Variants in FHIT observed in about 807,000 individuals in gnomAD.
FHIT encodes the protein bis(5'-adenosyl)-triphosphatase.
Under a neutral mutation model 17.9 loss-of-function variants are expected in FHIT, and 19 were observed. The ratio of observed to expected loss-of-function variants is 1.06; its 90% CI spans 0.74 to 1.56. The LOEUF is 1.56. Ranked by LOEUF, FHIT falls within the 40% of genes most tolerant of loss-of-function variation. FHIT has a pLI of 0.00. For synonymous variants in FHIT, 81 were observed against 69.7 expected, an observed-to-expected ratio of 1.16 and a Z score of -0.81; for missense variants, 248 against 189.2, an observed-to-expected ratio of 1.31 and a Z score of -1.82.
intron 8 of FHIT, among the ~76,000 whole-genome samples, chr3:59,805,160 T>C (rs1027775328): frequency 6.6e-6 from 1 of 152,166 alleles, no homozygotes; most frequent in Non-Finnish European, 1.5e-5. Context: ...CGTGTCCTGC[T>C]CTGTGGGCAC....
intron 8 of FHIT, among the ~76,000 whole-genome samples, chr3:59,844,102 C>T (rs1358780502): frequency 1.3e-5 from 2 of 152,136 alleles, no homozygotes; most frequent in Non-Finnish European, 2.9e-5. Context: ...TCTGACACCT[C>T]CCCAGAAGCC....
At chr3:60,251,714 AGCGTGTGGGCCACT>A (rs1705720970) in intron 5 of FHIT, among the ~76,000 whole-genome samples, 1 of 152,136 alleles carries the variant, frequency 6.6e-6, no homozygotes, top group Non-Finnish European at 1.5e-5. Flanking sequence ...ATCCTTGTCC[AGCGTGTGGGCCACT>A]GCTCATGCCA....
intron 5 of FHIT, among the ~76,000 whole-genome samples, chr3:60,071,604 G>C (rs190975102): frequency 6.6e-6 from 1 of 152,240 alleles, no homozygotes; most frequent in Admixed American, 6.5e-5. Flanking sequence ...AAGACTTGTT[G>C]AATGTCTATC....
chr3:60,340,499 G>C (rs1576501761), intron 5 of FHIT, among the ~76,000 whole-genome samples: 1 of 152,258 alleles, frequency 6.6e-6, no homozygotes, highest in East Asian at 1.9e-4. Flanking sequence ...GCTCTGAACA[G>C]ATACAAATCA....
chr3:61,022,501 G>T (rs941226768), intron 3 of FHIT, among the ~76,000 whole-genome samples: 60 of 152,174 alleles, frequency 3.9e-4, no homozygotes, highest in African/African-American at 1.4e-3. Flanking sequence ...ATTTTATGAG[G>T]CCAGCATCAT....
chr3:61,006,240 T>C (rs1262052310), intron 3 of FHIT, among the ~76,000 whole-genome samples: 1 of 152,150 alleles, frequency 6.6e-6, no homozygotes, highest in Non-Finnish European at 1.5e-5. Flanking sequence ...TGCTCTCAAA[T>C]ATGGGATTTG....
intron 5 of FHIT, among the ~76,000 whole-genome samples, chr3:60,391,779 T>C (rs553364907): frequency 5.9e-5 from 9 of 152,264 alleles, no homozygotes; most frequent in African/African-American, 2.2e-4. Flanking sequence ...CTTAGCACAA[T>C]ATATCCCCTT....
chr3:60,831,653 T>C (rs1248357237), intron 3 of FHIT, among the ~76,000 whole-genome samples: 1 of 150,420 alleles, frequency 6.6e-6, no homozygotes, highest in Non-Finnish European at 1.5e-5. Context: ...GAACACTTAG[T>C]ATGCCAATAA....
chr3:60,160,279 T>C (rs1700885022), intron 5 of FHIT, among the ~76,000 whole-genome samples: 1 of 152,062 alleles, frequency 6.6e-6, no homozygotes, highest in African/African-American at 2.4e-5. Context: ...GATGATGACA[T>C]CCTCCAACCG....
intron 5 of FHIT, among the ~76,000 whole-genome samples, chr3:60,250,257 A>G (rs1037225500): frequency 1.8e-4 from 28 of 152,198 alleles, no homozygotes; most frequent in African/African-American, 6.5e-4. Flanking sequence ...TGTCTGCTTA[A>G]GCTAGAATGG....
At chr3:59,898,376 A>G (rs1056938129) in intron 8 of FHIT, among the ~76,000 whole-genome samples, 2 of 152,010 alleles carry the variant, frequency 1.3e-5, no homozygotes, top group Admixed American at 6.6e-5. Context: ...AGGGGCAGTC[A>G]ATATGTATGA....
At chr3:60,191,987 C>T (rs2107469474) in intron 5 of FHIT, among the ~76,000 whole-genome samples, 1 of 152,168 alleles carries the variant, frequency 6.6e-6, no homozygotes, top group Middle Eastern at 3.4e-3. Flanking sequence ...TGGCTCACAC[C>T]TGTAATCCCA....
chr3:59,760,229 A>G (rs1422720965), intron 8 of FHIT, among the ~76,000 whole-genome samples: 1 of 152,146 alleles, frequency 6.6e-6, no homozygotes, highest in Non-Finnish European at 1.5e-5. Context: ...GTGGCATCCC[A>G]TTTTCAAGGG....
Position 60,674,712 on chromosome 3 carries a change from C to T in FHIT, c.-17-137733G>A, listed in dbSNP as rs1368897476. Among the ~76,000 whole-genome samples, 11 of 152,284 alleles carry T rather than the reference C, an allele frequency of 7.2e-5. No homozygotes were observed. In the East Asian group the frequency reaches 2.1e-3, roughly 29 times the overall value. On this transcript the variant is annotated intron_variant, in intron 4 of 9. Transcript: ENST00000492590. ...TGAATGCCCAGGTTCTCAGGGAAATCTGCCCTCTCAGACTAAGAATTCCAA... is the reference window on the plus strand; with the variant it reads ...TGAATGCCCAGGTTCTCAGGGAAATTTGCCCTCTCAGACTAAGAATTCCAA...
chr3:60,113,587 A>C (rs1285028949), intron 5 of FHIT, among the ~76,000 whole-genome samples: 1 of 151,902 alleles, frequency 6.6e-6, no homozygotes, highest in South Asian at 2.1e-4. Flanking sequence ...GAAGATTAAG[A>C]TTCTACGATG....
intron 5 of FHIT, among the ~76,000 whole-genome samples, chr3:60,334,979 T>C (rs1367612835): frequency 6.6e-6 from 1 of 152,222 alleles, no homozygotes; most frequent in Non-Finnish European, 1.5e-5. Context: ...TCCCATACAA[T>C]GTACCCAACA....
At chr3:61,137,178 G>T (rs2036939783) in intron 2 of FHIT, among the ~76,000 whole-genome samples, 1 of 149,560 alleles carries the variant, frequency 6.7e-6, no homozygotes. Context: ...AAGAACTCCA[G>T]TTTTATATCA....
chr3:60,347,562 G>A (rs1478516251), intron 5 of FHIT, among the ~76,000 whole-genome samples: 1 of 150,232 alleles, frequency 6.7e-6, no homozygotes, highest in Non-Finnish European at 1.5e-5. Context: ...AACGCCTGTA[G>A]GTACAGGAAA....
intron 4 of FHIT, among the ~76,000 whole-genome samples, chr3:60,564,152 T>A (rs751009568): frequency 6.6e-6 from 1 of 152,106 alleles, no homozygotes; most frequent in Non-Finnish European, 1.5e-5. Context: ...TGATACTACA[T>A]CAACTCTGCC....
Sources: gnomAD v4.1 joint callset for allele counts (sites outside exome capture counted in the v4.1 genomes callset) on GRCh38, gnomAD v4.1.1 for gene constraint, MANE v1.5 for transcripts, NCBI Gene and HGNC (gene_info 2026-07-23, HGNC 2026-07-21) for gene names.